Variants in TTC19 observed in about 807,000 individuals in gnomAD.
TTC19 encodes the protein tetratricopeptide repeat protein 19, mitochondrial.
A neutral mutation model predicts 49.5 loss-of-function variants in TTC19; 38 were observed. The observed-to-expected ratio is 0.77, with a 90% CI of 0.59 to 1.01. The LOEUF (loss-of-function observed/expected upper bound fraction) is 1.01, where lower values mean the gene tolerates loss of function less well. Among genes scored for constraint, TTC19 ranks in the 50% least tolerant of loss-of-function variants. The probability of loss-of-function intolerance (pLI) is 0.00; values close to 1 mark genes in which losing one functional copy is unlikely to be tolerated. For missense variants in TTC19, 475 were observed against 477.7 expected, an observed-to-expected ratio of 0.99 and a Z score of 0.05; for synonymous variants, 204 against 185.2, an observed-to-expected ratio of 1.10 and a Z score of -0.83.
chr17:16,025,492 A>G (rs1971523317), intron 8 of TTC19, among the ~76,000 whole-genome samples: 1 of 152,198 alleles, frequency 6.6e-6, no homozygotes, highest in Admixed American at 6.5e-5. Flanking sequence ...GGGTCTCTAG[A>G]TACCCCTATT....
chr17:16,003,932 A>G lies in TTC19; in HGVS notation c.519+45A>G, dbSNP rs752699461. 6 of 1,599,938 alleles carry G rather than the reference A, an allele frequency of 3.8e-6. No individual in the cohort carries two copies. The South Asian group carries it at 5.5e-5, about 15-fold the overall frequency. On this transcript the variant is annotated intron_variant, in intron 5 of 9. Transcript: ENST00000261647. ...TTGGCCCCTCACTGAAGCAGTTTTC[A>G]AAACAGTCTTGTCTCCTGAAAACTC...
chr17:16,026,050 T>C (rs1971544818), intron 8 of TTC19, among the ~76,000 whole-genome samples: 1 of 152,064 alleles, frequency 6.6e-6, no homozygotes, highest in Non-Finnish European at 1.5e-5. Context: ...GAAATTCCAT[T>C]TCAGTAGCCA....
chr17:16,042,562 T>G (rs2057923067), intron 2 of TTC19, among the ~76,000 whole-genome samples: 1 of 152,236 alleles, frequency 6.6e-6, no homozygotes, highest in Non-Finnish European at 1.5e-5. Context: ...TTCAACTATT[T>G]AATAAGCAAT....
At position 16,006,362 on chromosome 17, in the gene TTC19, G is replaced by C. The variant is rs1970907688; in HGVS notation, c.582-112G>C. 3.8e-6 allele frequency: 3 copies of C among 795,808 alleles called. No individual in the cohort carries two copies. The Admixed American group carries it at 5.4e-5, about 14-fold the overall frequency. The allele number at this position is 795,808 out of a possible 1,614,324, so 49.3% of individuals were successfully genotyped here. ...GAGGTGGAGGTTGCTCTGAGCCGAG[G>C]TCACGCCATTGCACTCCAGCCTGGG... On this transcript the variant is annotated intron_variant, in intron 6 of 9. Coordinates refer to ENST00000261647, the MANE Select transcript of TTC19 (RefSeq NM_017775.4).
intron 9 of TTC19, 108 bp downstream of exon 9, chr17:16,026,810 T>C: frequency 8.6e-7 from 1 of 1,167,200 alleles, no homozygotes; most frequent in Non-Finnish European, 1.3e-6. Context: ...CGAATAAACA[T>C]GTAAATTAAA....
At chr17:16,039,356 T>C (rs780895771) in intron 2 of TTC19, 117 of 1,318,014 alleles carry the variant, frequency 8.9e-5, no homozygotes, top group Non-Finnish European at 1.2e-4. Flanking sequence ...AATGTCTTAG[T>C]GATGCATCAG....
chr17:16,040,307 C>G, intron 2 of TTC19: 1 of 787,938 alleles, frequency 1.3e-6, no homozygotes, highest in Non-Finnish European at 2.2e-6. Context: ...CCTTCCTTCA[C>G]TAAATTATTT....
intron 7 of TTC19, among the ~76,000 whole-genome samples, chr17:16,012,848 T>C (rs1369122736): frequency 3.3e-5 from 5 of 152,180 alleles, no homozygotes; most frequent in African/African-American, 4.8e-5. Flanking sequence ...TATTTGCTTT[T>C]CTTTCATTTT....
At chr17:16,004,120 C>A in intron 5 of TTC19, 81 bp from the exon 6 acceptor site, 1 of 1,372,904 alleles carries the variant, frequency 7.3e-7, no homozygotes, top group Non-Finnish European at 1.0e-6. Context: ...TTGAGGCCAC[C>A]GTCAGTCTGG....
At chr17:16,034,181 G>T (rs1428184891), downstream of TTC19, among the ~76,000 whole-genome samples, 1 of 152,122 alleles carries the variant, frequency 6.6e-6, no homozygotes, top group Non-Finnish European at 1.5e-5. Flanking sequence ...GTCAATGTTC[G>T]CTACCAGTGT....
At chr17:16,013,374 T>C (rs192399545) in intron 7 of TTC19, among the ~76,000 whole-genome samples, 310 of 152,338 alleles carry the variant, frequency 2.0e-3, no homozygotes, top group Non-Finnish European at 3.3e-3. Flanking sequence ...ATTCTAGGAT[T>C]TGAATAGCAG....
chr17:16,007,352 T>TGG (rs1970941574), intron 7 of TTC19, among the ~76,000 whole-genome samples: 3 of 151,952 alleles, frequency 2.0e-5, no homozygotes, highest in Non-Finnish European at 2.9e-5. Context: ...CAATAACTTT[T>TGG]AATAGAACAA....
At chr17:16,011,112 T>C (rs906775316) in intron 7 of TTC19, among the ~76,000 whole-genome samples, 1 of 152,258 alleles carries the variant, frequency 6.6e-6, no homozygotes, top group Admixed American at 6.5e-5. Context: ...CCCAGTATTC[T>C]AGAGTTCATG....
At chr17:16,004,161 T>G (rs1301717779) in intron 5 of TTC19, 40 bp from the exon 6 acceptor site, 2 of 1,593,444 alleles carry the variant, frequency 1.3e-6, no homozygotes, top group East Asian at 2.2e-5. Flanking sequence ...ATGAAAAAAT[T>G]TACTTGTTAT....
rs183630687 is a variant in TTC19, at chr17:16,014,814, C to G, written c.676+8246C>G. Among the ~76,000 whole-genome samples the G allele has an allele frequency of 3.1e-3, 479 of 152,274 alleles. 3 individuals are homozygous for G. Among genetic ancestry groups the G allele is most frequent in the African/African-American group, 0.011 (456 of 41,548 alleles). ...GAGTTATACTACTGTCTCCCTTCCC[C>G]ACCCTTTATAAAATTAGTTCATTGG... On this transcript the variant is annotated intron_variant, in intron 7 of 9. Coordinates refer to ENST00000261647, the MANE Select transcript of TTC19 (RefSeq NM_017775.4).
At chr17:16,005,635 C>T (rs2151650831) in intron 6 of TTC19, among the ~76,000 whole-genome samples, 1 of 152,300 alleles carries the variant, frequency 6.6e-6, no homozygotes, top group South Asian at 2.1e-4. Context: ...ATTGAGGGTC[C>T]AGGGCTACAG....
At chr17:16,010,363 AG>A (rs1971033871) in intron 7 of TTC19, among the ~76,000 whole-genome samples, 1 of 150,078 alleles carries the variant, frequency 6.7e-6, no homozygotes, top group Admixed American at 6.6e-5. Flanking sequence ...TAGTAGAGAC[AG>A]GGTTTCACCA....
At position 16,000,188 on chromosome 17, in the gene TTC19, C is replaced by G. The variant is rs753681043; in HGVS notation, c.255C>G (p.Ala85=). The G allele has an allele frequency of 1.3e-6, 2 of 1,593,750 alleles. No individual in the cohort carries two copies. ...AGCAGGGAGCCGACGGGGCCGCTGC[C>G]GAGGACGGGGCGGACGAGGCCGAGG... is the stretch of plus-strand genomic sequence containing the variant. ...EEQQGADGAA[A]EDGADEAEAE... The change falls in exon 2 of 10, where the codon GCC becomes GCG. Residue 85 remains alanine (A), a synonymous_variant. Coordinates refer to ENST00000261647, the MANE Select transcript of TTC19 (RefSeq NM_017775.4).
At chr17:16,041,520 T>C (rs914364346) in intron 2 of TTC19, among the ~76,000 whole-genome samples, 2 of 148,218 alleles carry the variant, frequency 1.3e-5, no homozygotes, top group African/African-American at 2.5e-5. Flanking sequence ...TTCAAGCAGT[T>C]CTCCTGCCTC....
Sources: gnomAD v4.1 joint callset for allele counts (sites outside exome capture counted in the v4.1 genomes callset) on GRCh38, gnomAD v4.1.1 for gene constraint, MANE v1.5 for transcripts, NCBI Gene and HGNC (gene_info 2026-07-23, HGNC 2026-07-21) for gene names.